ARHGAP10: variants seen among roughly 807,000 people sequenced by gnomAD.
The protein encoded by ARHGAP10 is Rho GTPase activating protein 10, also known as rho GTPase-activating protein 10.
Under a neutral mutation model 108.6 loss-of-function variants are expected in ARHGAP10, and 87 were observed. The ratio of observed to expected loss-of-function variants is 0.80; its 90% CI spans 0.67 to 0.96. ARHGAP10 has a LOEUF of 0.96. Among genes scored for constraint, ARHGAP10 ranks in the 40% least tolerant of loss-of-function variants. The pLI, the probability that ARHGAP10 is intolerant of heterozygous loss-of-function variation, is 0.00. For missense variants in ARHGAP10, 939 were observed against 954.5 expected, an observed-to-expected ratio of 0.98 and a Z score of 0.21; for synonymous variants, 347 against 341.1, an observed-to-expected ratio of 1.02 and a Z score of -0.19.
chr4:148,036,864 C>T (rs1021071848), intron 19 of ARHGAP10, among the ~76,000 whole-genome samples: 1 of 152,146 alleles, frequency 6.6e-6, no homozygotes, highest in Non-Finnish European at 1.5e-5. Context: ...TAGATTACAA[C>T]TTCTAGGTAG....
intron 1 of ARHGAP10, among the ~76,000 whole-genome samples, chr4:147,792,983 C>G (rs559968108): frequency 2.0e-5 from 3 of 152,148 alleles, no homozygotes; most frequent in Admixed American, 2.0e-4. Flanking sequence ...ACTAAAAATA[C>G]AAAAATTAGC....
intron 18 of ARHGAP10, among the ~76,000 whole-genome samples, chr4:147,973,816 C>G (rs113977593): frequency 0.1 from 15,826 of 152,190 alleles, 1,081 homozygotes; most frequent in East Asian, 0.15. Context: ...TGACTTATTT[C>G]ACTTAACATA....
intron 17 of ARHGAP10, 112 bp from the exon 18 acceptor site, chr4:147,966,568 G>A: frequency 9.9e-7 from 1 of 1,012,402 alleles, no homozygotes; most frequent in Non-Finnish European, 1.4e-6. Flanking sequence ...GTTGAGGGTG[G>A]TTAAGTCTCT....
At chr4:147,909,852 C>G in intron 12 of ARHGAP10, 75 bp downstream of exon 12, 1 of 1,448,850 alleles carries the variant, frequency 6.9e-7, no homozygotes, top group Middle Eastern at 1.7e-4. Flanking sequence ...GCATGTCAAG[C>G]TGTTGCTGGG....
At chr4:147,909,862 G>C in intron 12 of ARHGAP10, 85 bp downstream of exon 12, 1 of 1,358,270 alleles carries the variant, frequency 7.4e-7, no homozygotes, top group Non-Finnish European at 1.0e-6. Context: ...CTGTTGCTGG[G>C]AGCTTACTCT....
rs1292619169 is a variant in ARHGAP10 at position 148,037,849 on chromosome 4, GA to G, written c.1868-9039del. Among the ~76,000 whole-genome samples, 9 of 146,618 alleles carry G rather than the reference GA, an allele frequency of 6.1e-5. No homozygotes were observed. In the East Asian group the frequency reaches 1.8e-3, roughly 29 times the overall value. ...ACTCCGTCTCAAAAAAAAAAAAAAA[GA>G]AAAGAATGGATGTCAGCTATATCCT... On this transcript the variant is annotated intron_variant, in intron 19 of 22. Coordinates refer to ENST00000336498, the MANE Select transcript of ARHGAP10 (RefSeq NM_024605.4).
chr4:147,746,728 G>A (rs988254366), intron 1 of ARHGAP10, among the ~76,000 whole-genome samples: 4 of 152,124 alleles, frequency 2.6e-5, no homozygotes, highest in African/African-American at 9.7e-5. Context: ...TCATATTCTA[G>A]GTGAAGAAGT....
chr4:147,768,448 G>T (rs1226869687), intron 1 of ARHGAP10, among the ~76,000 whole-genome samples: 1 of 151,802 alleles, frequency 6.6e-6, no homozygotes, highest in Non-Finnish European at 1.5e-5. Flanking sequence ...TTAAAGATTT[G>T]TTAGTAACGT....
intron 15 of ARHGAP10, among the ~76,000 whole-genome samples, chr4:147,949,473 T>C (rs536544233): frequency 1.3e-5 from 2 of 152,296 alleles, no homozygotes; most frequent in East Asian, 3.9e-4. Context: ...TTGGAGACAT[T>C]ACTGATTTTC....
At chr4:147,753,071 T>TG (rs1274304449) in intron 1 of ARHGAP10, among the ~76,000 whole-genome samples, 2 of 152,188 alleles carry the variant, frequency 1.3e-5, no homozygotes, top group African/African-American at 2.4e-5. Context: ...GGCAAAGTAA[T>TG]AGTATCAGTG....
intron 7 of ARHGAP10, among the ~76,000 whole-genome samples, chr4:147,867,523 G>A (rs901846082): frequency 6.6e-6 from 1 of 152,286 alleles, no homozygotes; most frequent in Non-Finnish European, 1.5e-5. Context: ...ACAGGTAGAT[G>A]GATGGGAAGC....
Position 148,033,919 on chromosome 4 carries a change from C to T in ARHGAP10, c.1867+10506C>T, listed in dbSNP as rs552639299. On this transcript the variant is annotated intron_variant, in intron 19 of 22. Coordinates refer to ENST00000336498, the MANE Select transcript of ARHGAP10 (RefSeq NM_024605.4). ...TACGTTGTCCCGGCGTTTTGGGGATCCCTATTACTGGAAATACTTAGGCAG... is the reference window on the plus strand; with the variant it reads ...TACGTTGTCCCGGCGTTTTGGGGATTCCTATTACTGGAAATACTTAGGCAG... 3.3e-5 allele frequency among the ~76,000 whole-genome samples: 5 copies of T among 152,212 alleles called. No individual in the cohort carries two copies. In the South Asian group the frequency reaches 1.0e-3, roughly 32 times the overall value.
At chr4:147,995,028 G>A (rs1303136532) in intron 18 of ARHGAP10, among the ~76,000 whole-genome samples, 1 of 152,054 alleles carries the variant, frequency 6.6e-6, no homozygotes, top group African/African-American at 2.4e-5. Context: ...GTGTTTCTAG[G>A]GCCACAGACA....
intron 13 of ARHGAP10, among the ~76,000 whole-genome samples, chr4:147,913,828 C>T (rs1035701575): frequency 1.3e-5 from 2 of 152,080 alleles, no homozygotes; most frequent in Admixed American, 6.5e-5. Flanking sequence ...AGATACTCTC[C>T]ACCCTCCATT....
intron 1 of ARHGAP10, among the ~76,000 whole-genome samples, chr4:147,746,631 C>G (rs1013023292): frequency 1.3e-5 from 2 of 152,094 alleles, no homozygotes; most frequent in African/African-American, 4.8e-5. Context: ...CTCAGCTGAT[C>G]CGCCCACCTC....
chr4:147,752,769 C>T (rs1183243290), intron 1 of ARHGAP10, among the ~76,000 whole-genome samples: 2 of 152,108 alleles, frequency 1.3e-5, no homozygotes, highest in Admixed American at 6.5e-5. Flanking sequence ...TCAAGTGATC[C>T]TCCCACCTTG....
intron 18 of ARHGAP10, among the ~76,000 whole-genome samples, chr4:147,975,759 TG>T (rs1199069984): frequency 1.8e-4 from 27 of 152,208 alleles, no homozygotes; most frequent in Admixed American, 1.8e-3. Context: ...ACTATTACAT[TG>T]AGGATTATGT....
chr4:148,032,314 G>A (rs1728181272), intron 19 of ARHGAP10, among the ~76,000 whole-genome samples: 1 of 112,642 alleles, frequency 8.9e-6, no homozygotes, highest in Admixed American at 1.1e-4. Context: ...TCTAATATTG[G>A]CAATTTCAAC....
At chr4:147,955,224 A>G (rs1738744671) in intron 15 of ARHGAP10, 92 bp from the exon 16 acceptor site, 8 of 1,217,100 alleles carry the variant, frequency 6.6e-6, no homozygotes, top group Non-Finnish European at 9.5e-6. Flanking sequence ...TAATTAAGAA[A>G]TGCATAACAA....
Sources: gnomAD v4.1 joint callset for allele counts (sites outside exome capture counted in the v4.1 genomes callset) on GRCh38, gnomAD v4.1.1 for gene constraint, MANE v1.5 for transcripts, NCBI Gene and HGNC (gene_info 2026-07-23, HGNC 2026-07-21) for gene names.